The following TMCO5A variants were observed in gnomAD, a reference collection of about 807,000 sequenced individuals.
The protein encoded by TMCO5A is transmembrane and coiled-coil domain-containing protein 5A.
A neutral mutation model predicts 42.3 loss-of-function variants in TMCO5A; 34 were observed. That is an observed-to-expected ratio of 0.80 (90% CI 0.61 to 1.07). The LOEUF (loss-of-function observed/expected upper bound fraction) is 1.07. TMCO5A is among the 50% of genes least tolerant of loss of function. The pLI is 0.00. For synonymous variants in TMCO5A, 131 were observed against 115.6 expected (o/e 1.13, Z -0.86); for missense variants, 357 against 327.9 (o/e 1.09, Z -0.69).
the TMCO5A span, among the ~76,000 whole-genome samples, chr15:38,013,242 C>T: frequency 6.6e-6 from 1 of 152,126 alleles, no homozygotes; most frequent in Non-Finnish European, 1.5e-5. Flanking sequence ...CTGCCTGTGG[C>T]TAGTACCACT....
At chr15:37,960,132 T>C (rs1890385578) in intron 11 of TMCO5A, among the ~76,000 whole-genome samples, 1 of 151,766 alleles carries the variant, frequency 6.6e-6, no homozygotes, top group Non-Finnish European at 1.5e-5. Context: ...CTGCACTACA[T>C]TTGCAGTCTT....
chr15:38,038,185 T>A, the TMCO5A span, among the ~76,000 whole-genome samples: 1 of 152,168 alleles, frequency 6.6e-6, no homozygotes, highest in Non-Finnish European at 1.5e-5. Context: ...GAAATGTCTG[T>A]TCCTACCGTG....
At chr15:37,969,461 A>G (rs995677544), downstream of TMCO5A, among the ~76,000 whole-genome samples, 13 of 152,290 alleles carry the variant, frequency 8.5e-5, no homozygotes, top group African/African-American at 2.6e-4. Flanking sequence ...TAAGATATTT[A>G]CTCAAGACCC....
At chr15:37,975,204 C>T in the TMCO5A span, among the ~76,000 whole-genome samples, 34,508 of 152,022 alleles carry the variant, frequency 0.23, 8,554 homozygotes, top group African/African-American at 0.62. Context: ...AGGAGAAAAA[C>T]GTATATTCTG....
chr15:37,994,335 GGA>G, the TMCO5A span, among the ~76,000 whole-genome samples: 1 of 152,160 alleles, frequency 6.6e-6, no homozygotes, highest in Non-Finnish European at 1.5e-5. Context: ...AGGAACTAGA[GGA>G]GGAGAAGCAT....
At chr15:37,948,177 C>T (rs1206085440) in intron 11 of TMCO5A, among the ~76,000 whole-genome samples, 3 of 152,008 alleles carry the variant, frequency 2.0e-5, no homozygotes, top group Non-Finnish European at 4.4e-5. Context: ...CTTGAAAATA[C>T]TTGTTAAATT....
the TMCO5A span, among the ~76,000 whole-genome samples, chr15:38,028,461 C>T: frequency 1.3e-5 from 2 of 152,162 alleles, no homozygotes; most frequent in Non-Finnish European, 2.9e-5. Context: ...GCCCCTGAGA[C>T]AAGAGTCTGC....
intron 11 of TMCO5A, among the ~76,000 whole-genome samples, chr15:37,964,074 T>C (rs1890497800): frequency 6.6e-6 from 1 of 152,178 alleles, no homozygotes; most frequent in South Asian, 2.1e-4. Context: ...TTAAAGAGCC[T>C]TGTTTTGTCG....
chr15:37,954,314 A>G (rs1890231987), downstream of TMCO5A, among the ~76,000 whole-genome samples: 1 of 152,154 alleles, frequency 6.6e-6, no homozygotes, highest in Non-Finnish European at 1.5e-5. Context: ...AAGAGAAAAG[A>G]AAAAAATAAT....
chr15:37,959,212 G>A lies in TMCO5A; in HGVS notation c.669-7413G>A, dbSNP rs117092778. Reference sequence around the variant, plus strand: ...GCAAACCACCATGGCACGTGTATACGTATGTAATAAACCTGCACATTCTGC... The same window carrying A: ...GCAAACCACCATGGCACGTGTATACATATGTAATAAACCTGCACATTCTGC... On this transcript the variant is annotated intron_variant, in intron 11 of 11. Coordinates refer to the TMCO5A transcript ENST00000559502. 5.9e-5 allele frequency among the ~76,000 whole-genome samples: 9 copies of A among 151,912 alleles called. No individual in the cohort carries two copies. In the East Asian group the frequency reaches 1.6e-3, roughly 26 times the overall value.
chr15:38,016,606 A>G, the TMCO5A span, among the ~76,000 whole-genome samples: 2 of 152,222 alleles, frequency 1.3e-5, no homozygotes, highest in Non-Finnish European at 2.9e-5. Context: ...CCAGAGCCGC[A>G]GAAATGAGCA....
At chr15:37,938,377 T>G in intron 6 of TMCO5A, 148 bp downstream of exon 6, 1 of 658,488 alleles carries the variant, frequency 1.5e-6, no homozygotes, top group Non-Finnish European at 2.7e-6. Flanking sequence ...AGTGCTGAAT[T>G]CTTCTCTGCC....
the TMCO5A span, among the ~76,000 whole-genome samples, chr15:38,027,412 A>G: frequency 2.6e-5 from 4 of 152,116 alleles, no homozygotes; most frequent in Admixed American, 2.0e-4. Context: ...AATTTCTCCC[A>G]TTTGGAATGG....
chr15:38,031,744 G>T, the TMCO5A span, among the ~76,000 whole-genome samples: 2 of 152,092 alleles, frequency 1.3e-5, no homozygotes, highest in African/African-American at 4.8e-5. Flanking sequence ...CTCCAGAATA[G>T]CTGACTCCAG....
Position 37,941,748 on chromosome 15 carries a change from A to G in TMCO5A, c.504+18A>G. 1 of 1,599,828 alleles carries G rather than the reference A, an allele frequency of 6.3e-7. No individual in the cohort carries two copies. Among genetic ancestry groups the G allele is most frequent in the Non-Finnish European group, 8.6e-7 (1 of 1,167,610 alleles). ...ACATAAAGGTAGAGCTTCTTGGTAA[A>G]GGGATAGCAAAGGGTTTATTAAGGT... On this transcript the variant is annotated intron_variant, in intron 8 of 11. Transcript: ENST00000319669.
chr15:37,998,412 G>A, the TMCO5A span, among the ~76,000 whole-genome samples: 257 of 152,190 alleles, frequency 1.7e-3, no homozygotes, highest in African/African-American at 6.1e-3. Flanking sequence ...TTATTCTTCT[G>A]AACATGGATA....
chr15:38,013,379 C>A, the TMCO5A span, among the ~76,000 whole-genome samples: 19 of 152,054 alleles, frequency 1.2e-4, no homozygotes, highest in Non-Finnish European at 4.4e-5. Context: ...TCCTCTATTG[C>A]CATCTACTAA....
the TMCO5A span, among the ~76,000 whole-genome samples, chr15:38,038,406 CTTTT>C: frequency 2.9e-5 from 4 of 139,026 alleles, no homozygotes; most frequent in African/African-American, 2.6e-5. Context: ...ATGAAAATTT[CTTTT>C]TTTTTTTTTT....
At chr15:37,950,975 T>C (rs1890135151) in intron 11 of TMCO5A, 61 bp from the exon 12 acceptor site, 1 of 1,455,650 alleles carries the variant, frequency 6.9e-7, no homozygotes, top group African/African-American at 1.4e-5. Context: ...AGGTATGATT[T>C]ATTTTTTGTT....
Sources: gnomAD v4.1 joint callset for allele counts (sites outside exome capture counted in the v4.1 genomes callset) on GRCh38, gnomAD v4.1.1 for gene constraint, MANE v1.5 for transcripts, NCBI Gene and HGNC (gene_info 2026-07-23, HGNC 2026-07-21) for gene names.